The following SMARCC1 variants were observed in gnomAD, a reference collection of about 807,000 sequenced individuals.
The protein encoded by SMARCC1 is SWI/SNF related BAF chromatin remodeling complex subunit C1.
SMARCC1 carries 43 observed loss-of-function variants against 147.4 expected under a neutral mutation model. That is an observed-to-expected ratio of 0.29 (90% confidence interval 0.23 to 0.38). SMARCC1 has a LOEUF of 0.38. Among genes scored for constraint, SMARCC1 ranks in the 10% least tolerant of loss-of-function variants. The probability of loss-of-function intolerance (pLI) is 1.00; values close to 1 mark genes in which losing one functional copy is unlikely to be tolerated. For missense variants in SMARCC1, 1,119 were observed against 1,381.1 expected (o/e 0.81, Z 3.01); for synonymous variants, 495 against 484.4 (o/e 1.02, Z -0.29).
intron 2 of SMARCC1, among the ~76,000 whole-genome samples, chr3:47,770,466 C>CA (rs1212462740): frequency 6.6e-6 from 1 of 150,780 alleles, no homozygotes; most frequent in Non-Finnish European, 1.5e-5. Context: ...ACTAAAAACA[C>CA]AAAAAAATTA....
chr3:47,768,505 A>C (rs1224170983), intron 2 of SMARCC1, among the ~76,000 whole-genome samples: 1 of 152,216 alleles, frequency 6.6e-6, no homozygotes, highest in Non-Finnish European at 1.5e-5. Flanking sequence ...ATACATTCCT[A>C]ATTAAGAATC....
intron 16 of SMARCC1, 92 bp from the exon 17 acceptor site, chr3:47,676,874 A>C (rs2033581402): frequency 9.1e-7 from 1 of 1,099,434 alleles, no homozygotes; most frequent in African/African-American, 1.6e-5. Context: ...CAGAAACAAT[A>C]AAACCAGTAA....
chr3:47,727,939 A>C (rs1435582588), intron 6 of SMARCC1, among the ~76,000 whole-genome samples: 13 of 151,898 alleles, frequency 8.6e-5, no homozygotes, highest in Non-Finnish European at 1.6e-4. Context: ...GTTGGAGTGC[A>C]ATGGCTACGC....
chr3:47,631,636 G>C (rs2032892652), intron 24 of SMARCC1, among the ~76,000 whole-genome samples: 1 of 152,146 alleles, frequency 6.6e-6, no homozygotes, highest in African/African-American at 2.4e-5. Context: ...AAACCTTTCA[G>C]GGGACAATAA....
At chr3:47,658,850 T>C (rs955507595) in intron 21 of SMARCC1, among the ~76,000 whole-genome samples, 1 of 152,166 alleles carries the variant, frequency 6.6e-6, no homozygotes, top group African/African-American at 2.4e-5. Flanking sequence ...CTAGGCACGG[T>C]GGCTTACACC....
chr3:47,754,653 A>G (rs2106852636), intron 2 of SMARCC1, among the ~76,000 whole-genome samples: 1 of 152,302 alleles, frequency 6.6e-6, no homozygotes, highest in East Asian at 1.9e-4. Flanking sequence ...GAGCAGCTGA[A>G]TTCCTAGAAA....
Position 47,706,500 on chromosome 3 carries a change from T to C in SMARCC1, c.949A>G (p.Lys317Glu). 1 of 1,584,900 alleles carries C rather than the reference T, an allele frequency of 6.3e-7. No homozygotes were observed. Among genetic ancestry groups the C allele is most frequent in the Non-Finnish European group, 8.6e-7 (1 of 1,168,952 alleles). Residue 317 changes from lysine (K) to glutamate (E), a missense_variant, in exon 10 of 28, where the codon AAA becomes GAA. Lys to Glu is a moderately conservative substitution (Grantham distance 56, BLOSUM62 1). Around this residue, in one of 6 missense-constraint regions of SMARCC1, gnomAD observed 542 missense variants for 611.8 expected, o/e 0.89. Coordinates refer to ENST00000254480, the MANE Select transcript of SMARCC1 (RefSeq NM_003074.4). ...CTCTTTCGAGCATTAGCTGATGCTTTTCTATCTCTTCTTTCTGGACTTCTG... is the reference window on the plus strand; with the variant it reads ...CTCTTTCGAGCATTAGCTGATGCTTCTCTATCTCTTCTTTCTGGACTTCTG... ...PVRSPERRDR[K>E]ASANARKRKH...
intron 6 of SMARCC1, among the ~76,000 whole-genome samples, chr3:47,720,982 A>G (rs928270595): frequency 3.9e-5 from 6 of 152,148 alleles, no homozygotes; most frequent in Middle Eastern, 3.2e-3. Flanking sequence ...GACAAAACCA[A>G]TTATCCACTG....
intron 2 of SMARCC1, among the ~76,000 whole-genome samples, chr3:47,753,153 G>A (rs1451315581): frequency 6.6e-6 from 1 of 151,452 alleles, no homozygotes; most frequent in Non-Finnish European, 1.5e-5. Context: ...AGACAATCCT[G>A]GCCAACATGG....
chr3:47,696,622 G>A (rs1023222008), intron 11 of SMARCC1, among the ~76,000 whole-genome samples: 5 of 151,368 alleles, frequency 3.3e-5, no homozygotes, highest in African/African-American at 1.2e-4. Context: ...GAGTTCAAGT[G>A]ATTCTCCTGC....
intron 21 of SMARCC1, among the ~76,000 whole-genome samples, chr3:47,649,998 C>T (rs1001562863): frequency 1.3e-5 from 2 of 152,098 alleles, no homozygotes; most frequent in African/African-American, 4.8e-5. Context: ...TAATTCAGGC[C>T]GGGCTTGGTG....
At chr3:47,597,705 T>C (rs1325117978) in intron 26 of SMARCC1, among the ~76,000 whole-genome samples, 3 of 152,188 alleles carry the variant, frequency 2.0e-5, no homozygotes, top group Non-Finnish European at 2.9e-5. Context: ...TCAATGATCC[T>C]CCTAACTCAG....
chr3:47,742,519 A>G (rs180785704), intron 3 of SMARCC1, among the ~76,000 whole-genome samples: 1 of 152,334 alleles, frequency 6.6e-6, no homozygotes, highest in African/African-American at 2.4e-5. Context: ...AACCATAAAT[A>G]AGACACTCAT....
intron 26 of SMARCC1, among the ~76,000 whole-genome samples, chr3:47,596,010 G>A (rs1453677900): frequency 6.6e-6 from 1 of 151,182 alleles, no homozygotes; most frequent in Non-Finnish European, 1.5e-5. Context: ...TGGGATTACA[G>A]GTGTGAGCTA....
At chr3:47,739,998 T>A (rs2034489767) in intron 3 of SMARCC1, among the ~76,000 whole-genome samples, 1 of 151,922 alleles carries the variant, frequency 6.6e-6, no homozygotes, top group South Asian at 2.1e-4. Context: ...TGCCTCAGCC[T>A]CCTGATTAGC....
intron 19 of SMARCC1, among the ~76,000 whole-genome samples, chr3:47,665,082 C>T (rs2033405246): frequency 6.6e-6 from 1 of 152,190 alleles, no homozygotes; most frequent in Non-Finnish European, 1.5e-5. Flanking sequence ...ATCCTCCCGC[C>T]TCAGCCTCCC....
At chr3:47,672,442 G>A (rs946928046) in intron 18 of SMARCC1, among the ~76,000 whole-genome samples, 8 of 152,040 alleles carry the variant, frequency 5.3e-5, no homozygotes, top group Non-Finnish European at 1.2e-4. Flanking sequence ...TCCTGACCTC[G>A]TGATCCGCAT....
At chr3:47,748,455 C>G (rs2034591379) in intron 2 of SMARCC1, among the ~76,000 whole-genome samples, 1 of 152,116 alleles carries the variant, frequency 6.6e-6, no homozygotes, top group African/African-American at 2.4e-5. Flanking sequence ...AACTCTTGAT[C>G]TCAAGTGATC....
At chr3:47,781,259 T>C (rs2035042674) in intron 1 of SMARCC1, among the ~76,000 whole-genome samples, 1 of 152,240 alleles carries the variant, frequency 6.6e-6, no homozygotes, top group African/African-American at 2.4e-5. Flanking sequence ...TTTACCACGC[T>C]TGCTCGGTCT....
Sources: gnomAD v4.1 joint callset for allele counts (sites outside exome capture counted in the v4.1 genomes callset) on GRCh38, gnomAD v4.1.1 for gene constraint, gnomAD v4.1.1 regional missense constraint, MANE v1.5 for transcripts, NCBI Gene and HGNC (gene_info 2026-07-23, HGNC 2026-07-21) for gene names.